Variants in SLC4A1 observed in about 807,000 individuals in gnomAD.
SLC4A1 encodes solute carrier family 4 member 1 (Diego blood group).
A neutral mutation model predicts 93.1 loss-of-function variants in SLC4A1; 29 were observed. The observed-to-expected ratio is 0.31, with a 90% CI of 0.23 to 0.42. The LOEUF (loss-of-function observed/expected upper bound fraction) is 0.42. Ranked by LOEUF, SLC4A1 falls within the 20% of genes least tolerant of loss-of-function variation. SLC4A1 has a pLI of 1.00. For missense variants in SLC4A1, 965 were observed against 1,190.1 expected, an observed-to-expected ratio of 0.81 and a Z score of 2.78; for synonymous variants, 469 against 497.2, an observed-to-expected ratio of 0.94 and a Z score of 0.76.
At chr17:44,264,165 T>C (rs1220110389) in intron 1 of SLC4A1, among the ~76,000 whole-genome samples, 2 of 152,142 alleles carry the variant, frequency 1.3e-5, no homozygotes, top group African/African-American at 4.8e-5. Context: ...GACTAATTTT[T>C]AAATGGTTTC....
intron 7 of SLC4A1, 80 bp from the exon 8 acceptor site, chr17:44,259,661 C>T (rs1362942380): frequency 6.6e-6 from 10 of 1,523,784 alleles, no homozygotes; most frequent in South Asian, 3.4e-5. Context: ...TTCCCATTCT[C>T]GCTTCCCAAC....
chr17:44,250,988 A>T (rs1309567126), intron 19 of SLC4A1, among the ~76,000 whole-genome samples, 171 bp downstream of exon 19: 1 of 152,190 alleles, frequency 6.6e-6, no homozygotes, highest in Non-Finnish European at 1.5e-5. Flanking sequence ...GAAGACACAG[A>T]GAAACAAGGC....
At chr17:44,252,879 G>A (rs1487188007) in intron 17 of SLC4A1, among the ~76,000 whole-genome samples, 1 of 152,156 alleles carries the variant, frequency 6.6e-6, no homozygotes, top group Non-Finnish European at 1.5e-5. Context: ...GGTGGGGTCT[G>A]GTCTGGAGAA....
At chr17:44,260,340 G>T in intron 6 of SLC4A1, 64 bp downstream of exon 6, 1 of 1,571,036 alleles carries the variant, frequency 6.4e-7, no homozygotes, top group East Asian at 2.3e-5. Flanking sequence ...GAGAACTTGG[G>T]GCAAGTGGGC....
chr17:44,257,589 G>T (rs1450284178), intron 12 of SLC4A1, 45 bp from the exon 13 acceptor site: 1 of 1,612,912 alleles, frequency 6.2e-7, no homozygotes. Context: ...GGGTCTTGGG[G>T]CAAGGCACCA....
intron 14 of SLC4A1, 41 bp from the exon 15 acceptor site, chr17:44,255,337 C>T (rs1444153545): frequency 2.8e-6 from 4 of 1,444,558 alleles, no homozygotes. Flanking sequence ...TGCCCAGTCA[C>T]TCCCCACCTC....
Position 44,255,833 on chromosome 17 carries a change from T to C in SLC4A1, c.1640A>G (p.His547Arg). The C allele has an allele frequency of 6.2e-7, 1 of 1,614,172 alleles. No individual in the cohort carries two copies. Among genetic ancestry groups the C allele is most frequent in the South Asian group, 1.1e-5 (1 of 91,078 alleles). ...GTAGTTATAAGTCTTCTGTAGTGGG[T>C]GGTCCTGGAAGATCTGCAGCAGAAA... ...FSKLIKIFQD[H>R]PLQKTYNYNV... Residue 547 changes from histidine (H) to arginine (R), a missense_variant, in exon 14 of 20, where the codon CAC (histidine) becomes CGC (arginine). Coordinates refer to ENST00000262418, the MANE Select transcript of SLC4A1 (RefSeq NM_000342.4).
rs770780637 is a variant in SLC4A1, at chr17:44,251,458, C to T, written c.2442G>A (p.Lys814=). Residue 814 remains lysine (K), a synonymous_variant, in exon 18 of 20, where the codon AAG becomes AAA. Transcript: ENST00000262418. The part of the protein sequence containing the change: ...QLFDRILLLF[K]PPKYHPDVPY... ...GCACATCTGGGTGATACTTGGGTGG[C>T]TTGAACAGAAGCAAGATGCGGTCAA... The T allele has an allele frequency of 6.2e-7, 1 of 1,614,202 alleles. No homozygotes were observed. Among genetic ancestry groups the T allele is most frequent in the Non-Finnish European group, 8.5e-7 (1 of 1,180,048 alleles).
In SLC4A1 at chr17:44,259,292, C is replaced by T. The variant is rs762123238; in HGVS notation, c.747G>A (p.Glu249=). The T allele has an allele frequency of 3.1e-6, 5 of 1,613,978 alleles. No individual in the cohort carries two copies. The highest frequency in any genetic ancestry group is 1.1e-5 in the South Asian group (1 of 91,078). The stretch of plus-strand genomic sequence containing the variant: ...GCTCCACCGCCTCCAGCTCCGCTGC[C>T]TCCTGCAGCCTCACGAAGCCCAGCA... The part of the protein sequence containing the change: ...QPVLGFVRLQ[E]AAELEAVELP... Residue 249 remains glutamate (E), a synonymous_variant, in exon 9 of 20, where the codon GAG becomes GAA. Transcript: ENST00000262418.
In SLC4A1 at chr17:44,250,272, A is replaced by G. The variant is rs1024692528; in HGVS notation, c.*186T>C. On this transcript the variant is annotated 3_prime_UTR_variant, in exon 20 of 20. Transcript: ENST00000262418. ...GGCCCCATCGGCCATCCCCAGCCAG[A>G]AAAGCCAGGCTACCCTTTGTGGAAG... The G allele has an allele frequency of 1.8e-5, 11 of 598,024 alleles. No homozygotes were observed. The highest frequency in any genetic ancestry group is 9.3e-5 in the African/African-American group (5 of 54,052). 37.0% of individuals were successfully genotyped at this position (598,024 alleles called of 1,614,324 possible).
intron 16 of SLC4A1, among the ~76,000 whole-genome samples, chr17:44,253,583 G>A (rs2047362255): frequency 6.7e-6 from 1 of 149,806 alleles, no homozygotes; most frequent in South Asian, 2.1e-4. Flanking sequence ...CTGATTCGCA[G>A]GCAACGAAGC....
Position 44,257,455 on chromosome 17 carries a change from G to A in SLC4A1, c.1521C>T (p.Phe507=), listed in dbSNP as rs1400096446. 15 of 1,613,908 alleles carry A rather than the reference G, an allele frequency of 9.3e-6. No individual in the cohort carries two copies. The highest frequency in any genetic ancestry group is 1.2e-5 in the Non-Finnish European group (14 of 1,180,018). ...TGAAGCGGACCAGGAAGCTACCCTCGAAGGCCACCACCAACACCACCAGCA... is the reference window on the plus strand; with the variant it reads ...TGAAGCGGACCAGGAAGCTACCCTCAAAGGCCACCACCAACACCACCAGCA... ...LILLVVLVVA[F]EGSFLVRFIS... is the part of the protein sequence containing the mutation. The change falls in exon 13 of 20, where the codon TTC becomes TTT. Residue 507 remains phenylalanine (F), a synonymous_variant. Coordinates refer to ENST00000262418, the MANE Select transcript of SLC4A1 (RefSeq NM_000342.4).
intron 4 of SLC4A1, 102 bp from the exon 5 acceptor site, chr17:44,260,917 C>T (rs1362931397): frequency 3.7e-6 from 5 of 1,368,750 alleles, no homozygotes; most frequent in Non-Finnish European, 5.1e-6. Flanking sequence ...GGCTTGGATC[C>T]CTGTGCTCAA....
Position 44,253,272 on chromosome 17 carries a change from A to G in SLC4A1, c.2157T>C (p.Phe719=), listed in dbSNP as rs1309934791. The stretch of plus-strand genomic sequence containing the variant: ...TGGTGGCACTGAGCCAGGGCATCCC[A>G]AAGAGGGCGGCCACCCCACCCATGC... ...VVGMGGVAAL[F]GMPWLSATTV... is the part of the protein sequence containing the mutation. The change falls in exon 17 of 20, where the codon TTT becomes TTC. Residue 719 remains phenylalanine (F), a synonymous_variant. Transcript: ENST00000262418. The G allele has an allele frequency of 6.2e-7, 1 of 1,614,016 alleles. No homozygotes were observed. The highest frequency in any genetic ancestry group is 1.1e-5 in the South Asian group (1 of 91,086).
chr17:44,266,757 G>A (rs1598305679), intron 1 of SLC4A1, among the ~76,000 whole-genome samples: 1 of 152,132 alleles, frequency 6.6e-6, no homozygotes, highest in Non-Finnish European at 1.5e-5. Context: ...CCCAAGTTTT[G>A]GAAGTGCACC....
chr17:44,265,276 T>C (rs28722088), intron 1 of SLC4A1, among the ~76,000 whole-genome samples: 1,544 of 151,944 alleles, frequency 0.01, 28 homozygotes, highest in African/African-American at 0.036. Context: ...GTGCCAAGGA[T>C]CTGTATGGCA....
Position 44,249,049 on chromosome 17 carries a change from A to G in SLC4A1, c.*1409T>C, listed in dbSNP as rs891382961. On this transcript the variant is annotated 3_prime_UTR_variant, in exon 20 of 20. Transcript: ENST00000262418. ...GCTAATTTTTGTATTTTTAGTAGTAACGGGGTTTCACCATGTTGGCCAGGC... is the reference window on the plus strand; with the variant it reads ...GCTAATTTTTGTATTTTTAGTAGTAGCGGGGTTTCACCATGTTGGCCAGGC... 6.6e-5 allele frequency: 24 copies of G among 361,296 alleles called. No individual in the cohort carries two copies. Among genetic ancestry groups the G allele is most frequent in the Non-Finnish European group, 1.2e-4 (23 of 184,466 alleles). The allele number at this position is 361,296 out of a possible 1,614,324, so 22.4% of individuals were successfully genotyped here.
chr17:44,251,987 C>T (rs2047346826), intron 17 of SLC4A1, among the ~76,000 whole-genome samples: 2 of 150,222 alleles, frequency 1.3e-5, no homozygotes, highest in Admixed American at 6.6e-5. Context: ...AGTGATTCTC[C>T]TGCCTTGGCC....
intron 1 of SLC4A1, 142 bp from the exon 2 acceptor site, chr17:44,263,076 G>A (rs2047461385): frequency 1.4e-6 from 1 of 717,118 alleles, no homozygotes; most frequent in Non-Finnish European, 2.4e-6. Flanking sequence ...GGAGGGAAAG[G>A]GAGAACGAGC....
Sources: gnomAD v4.1 joint callset for allele counts (sites outside exome capture counted in the v4.1 genomes callset) on GRCh38, gnomAD v4.1.1 for gene constraint, MANE v1.5 for transcripts, NCBI Gene and HGNC (gene_info 2026-07-23, HGNC 2026-07-21) for gene names.